EPHA5: variants seen among roughly 807,000 people sequenced by gnomAD.
The protein encoded by EPHA5 is EPH receptor A5.
A neutral mutation model predicts 105.0 loss-of-function variants in EPHA5; 60 were observed. The ratio of observed to expected loss-of-function variants is 0.57; its 90% CI spans 0.46 to 0.71. EPHA5 has a LOEUF of 0.71. Ranked by LOEUF, EPHA5 falls within the 30% of genes least tolerant of loss-of-function variation. The pLI is 0.00. For synonymous variants in EPHA5, 513 were observed against 449.1 expected, an observed-to-expected ratio of 1.14 and a Z score of -1.80; for missense variants, 1,218 against 1,274.7, an observed-to-expected ratio of 0.96 and a Z score of 0.68.
chr4:65,557,826 G>A (rs1738607372), intron 3 of EPHA5, among the ~76,000 whole-genome samples: 3 of 152,038 alleles, frequency 2.0e-5, no homozygotes, highest in South Asian at 4.2e-4. Flanking sequence ...CAATAGCAAT[G>A]TTCCCAACAT....
At chr4:65,575,363 T>C (rs78564648) in intron 3 of EPHA5, among the ~76,000 whole-genome samples, 1 of 152,204 alleles carries the variant, frequency 6.6e-6, no homozygotes, top group African/African-American at 2.4e-5. Flanking sequence ...CTTTGTGGTA[T>C]AGGAATACTC....
intron 10 of EPHA5, among the ~76,000 whole-genome samples, chr4:65,365,622 TA>T (rs1468878315): frequency 7.2e-6 from 1 of 138,156 alleles, no homozygotes; most frequent in Non-Finnish European, 1.6e-5. Context: ...CTGAATTACA[TA>T]AATACTTTTG....
chr4:65,404,552 A>T, intron 7 of EPHA5, 73 bp from the exon 8 acceptor site: 1 of 1,309,854 alleles, frequency 7.6e-7, no homozygotes. Context: ...GTTGCTTAAT[A>T]GACAGTAATC....
chr4:65,435,102 A>T (rs1725353059), intron 5 of EPHA5, among the ~76,000 whole-genome samples: 1 of 152,148 alleles, frequency 6.6e-6, no homozygotes, highest in Non-Finnish European at 1.5e-5. Context: ...GACATTAAAA[A>T]ATAGAATCAC....
At chr4:65,472,382 C>A (rs1384977625) in intron 5 of EPHA5, among the ~76,000 whole-genome samples, 1 of 152,154 alleles carries the variant, frequency 6.6e-6, no homozygotes, top group Non-Finnish European at 1.5e-5. Context: ...GCCCTCTTCT[C>A]ATAGATCCAC....
At chr4:65,352,563 G>C (rs1722915241) in intron 12 of EPHA5, among the ~76,000 whole-genome samples, 1 of 151,870 alleles carries the variant, frequency 6.6e-6, no homozygotes, top group Admixed American at 6.6e-5. Flanking sequence ...AACTCTGCTG[G>C]TGCAAGTCGT....
chr4:65,345,272 A>G (rs1722105747), intron 14 of EPHA5, among the ~76,000 whole-genome samples: 1 of 152,306 alleles, frequency 6.6e-6, no homozygotes, highest in African/African-American at 2.4e-5. Flanking sequence ...CAATTTTAGC[A>G]ATTTTAAGTG....
Position 65,635,060 on chromosome 4 carries a change from G to C in EPHA5, c.246+8303C>G, listed in dbSNP as rs76722328. 7.5e-4 allele frequency among the ~76,000 whole-genome samples: 114 copies of C among 152,136 alleles called. 2 individuals carry two copies. The East Asian group carries it at 0.021, about 28-fold the overall frequency. On this transcript the variant is annotated intron_variant, in intron 2 of 16. Transcript: ENST00000613740. ...AGCTTAAGTTCTTCTTGATTCAGGA[G>C]AAAACACATAAAACACTAACAATGT...
chr4:65,343,032 C>T (rs1021620978), intron 14 of EPHA5, among the ~76,000 whole-genome samples: 2 of 152,078 alleles, frequency 1.3e-5, no homozygotes, highest in African/African-American at 2.4e-5. Flanking sequence ...AAACAGGCTA[C>T]TTAAATTAGT....
intron 3 of EPHA5, among the ~76,000 whole-genome samples, chr4:65,586,336 C>T (rs1014120852): frequency 7.2e-5 from 11 of 151,778 alleles, no homozygotes; most frequent in Middle Eastern, 3.8e-3. Context: ...AATAATTAGA[C>T]AATCTTAAGT....
intron 7 of EPHA5, among the ~76,000 whole-genome samples, chr4:65,408,262 T>C (rs915612472): frequency 3.3e-5 from 5 of 152,176 alleles, no homozygotes; most frequent in Non-Finnish European, 7.3e-5. Context: ...GTAGGAGATA[T>C]GGTAATCATG....
At chr4:65,428,032 A>G (rs1449245659) in intron 5 of EPHA5, among the ~76,000 whole-genome samples, 1 of 152,118 alleles carries the variant, frequency 6.6e-6, no homozygotes, top group Admixed American at 6.6e-5. Flanking sequence ...CATCACATAG[A>G]CATACATACA....
In EPHA5 at chr4:65,601,959, C is replaced by T. The variant is rs1343594860; in HGVS notation, c.592G>A (p.Glu198Lys). 6.2e-7 allele frequency: 1 copy of T among 1,614,166 alleles called. No individual in the cohort carries two copies. Among genetic ancestry groups the T allele is most frequent in the Non-Finnish European group, 8.5e-7 (1 of 1,180,012 alleles). ...LGDRVMKLNT[E>K]VRDVGPLSKK... ...CTTAGAGGTCCTACATCTCTGACCT[C>T]TGTATTCAGTTTCATAACACGGTCA... is the stretch of plus-strand genomic sequence containing the variant. The change falls in exon 3 of 17, where the codon GAG (glutamate) becomes AAG (lysine). Residue 198 changes from glutamate to lysine, a missense_variant. Coordinates refer to ENST00000613740, the MANE Select transcript of EPHA5 (RefSeq NM_001281766.3).
At position 65,340,809 on chromosome 4, in the gene EPHA5, G is replaced by GAGAT. The variant is rs138929396; in HGVS notation, c.2596-4688_2596-4685dup. ...TTTGTCTCTAGGCTCTTCAACTGCA[G>GAGAT]AGATAGTAATTGGCCAACAACACTA... On this transcript the variant is annotated intron_variant, in intron 14 of 16. Coordinates refer to ENST00000613740, the MANE Select transcript of EPHA5 (RefSeq NM_001281766.3). Among the ~76,000 whole-genome samples, 1,146 of 152,294 alleles carry GAGAT rather than the reference G, an allele frequency of 7.5e-3. 9 individuals carry two copies. The highest frequency in any genetic ancestry group is 0.026 in the African/African-American group (1,088 of 41,568).
At chr4:65,601,049 C>T (rs563241695) in intron 3 of EPHA5, among the ~76,000 whole-genome samples, 1 of 152,220 alleles carries the variant, frequency 6.6e-6, no homozygotes, top group African/African-American at 2.4e-5. Context: ...TGGGGCACTG[C>T]TTATTATGCA....
rs769625548 is a variant in EPHA5, at chr4:65,490,544, A to G, written c.1235T>C (p.Val412Ala). The G allele has an allele frequency of 2.5e-6, 4 of 1,613,988 alleles. No homozygotes were observed. In the African/African-American group the frequency reaches 5.3e-5, roughly 22 times the overall value. ...AGVCEECGGH[V>A]RYLPRQSGLK... is the part of the protein sequence containing the mutation. ...GCCGCTTTGCCGGGGAAGGTACCTG[A>G]CATGACCGCCACACTCCTCACACAC... is the stretch of plus-strand genomic sequence containing the variant. Residue 412 changes from valine (V) to alanine (A), a missense_variant, in exon 5 of 17, where the codon GTC becomes GCC. Physicochemically the swap from Val to Ala is moderately conservative, Grantham distance 64. This residue lies in a region of EPHA5 where 971 missense variants were observed against 1,013.5 expected (regional missense o/e 0.96). Coordinates refer to ENST00000613740, the MANE Select transcript of EPHA5 (RefSeq NM_001281766.3).
chr4:65,593,032 T>C (rs762537709), intron 3 of EPHA5, among the ~76,000 whole-genome samples: 3 of 152,174 alleles, frequency 2.0e-5, no homozygotes, highest in Admixed American at 6.5e-5. Context: ...ATTGAACTCA[T>C]TAGAACATGG....
intron 16 of EPHA5, chr4:65,331,308 C>T (rs1720594076): frequency 1.9e-6 from 2 of 1,034,454 alleles, no homozygotes; most frequent in Admixed American, 5.6e-5. Flanking sequence ...AAACAACTTA[C>T]AACCTTAAAG....
At chr4:65,410,565 T>C (rs1411322945) in intron 7 of EPHA5, among the ~76,000 whole-genome samples, 1 of 152,174 alleles carries the variant, frequency 6.6e-6, no homozygotes, top group Non-Finnish European at 1.5e-5. Context: ...TACACATACG[T>C]ATCCACATAC....
Sources: allele counts gnomAD v4.1 joint callset (sites outside exome capture counted in the v4.1 genomes callset), GRCh38; gene constraint gnomAD v4.1.1; regional missense constraint gnomAD v4.1.1; transcripts MANE v1.5; gene names NCBI Gene and HGNC (gene_info 2026-07-23, HGNC 2026-07-21).